EPB41L4B: variants seen among roughly 807,000 people sequenced by gnomAD.
EPB41L4B encodes the protein erythrocyte membrane protein band 4.1 like 4B.
In EPB41L4B, 30 loss-of-function variants were observed where a neutral mutation model predicts 112.5. The observed-to-expected ratio is 0.27, with a 90% CI of 0.20 to 0.36. The LOEUF (loss-of-function observed/expected upper bound fraction) is 0.36. Among genes scored for constraint, EPB41L4B ranks in the 10% least tolerant of loss-of-function variants. The pLI, the probability that EPB41L4B is intolerant of heterozygous loss-of-function variation, is 1.00. For synonymous variants in EPB41L4B, 408 were observed against 439.7 expected (o/e 0.93, Z 0.90); for missense variants, 1,024 against 1,133.3 (o/e 0.90, Z 1.38).
At chr9:109,255,873 C>T (rs1834963875) in intron 9 of EPB41L4B, 30 bp from the exon 10 acceptor site, 1 of 1,593,126 alleles carries the variant, frequency 6.3e-7, no homozygotes, top group African/African-American at 1.3e-5. Context: ...TTTAAAAGCA[C>T]AATCTGCAGT....
intron 21 of EPB41L4B, among the ~76,000 whole-genome samples, chr9:109,192,633 T>C (rs529959076): frequency 6.6e-6 from 1 of 152,142 alleles, no homozygotes; most frequent in East Asian, 1.9e-4. Context: ...ACTGGTCTTT[T>C]GGGGAAAAAA....
intron 2 of EPB41L4B, among the ~76,000 whole-genome samples, chr9:109,268,896 C>CA (rs55646924): frequency 0.37 from 39,091 of 106,528 alleles, 7,506 homozygotes; most frequent in Admixed American, 0.48. Context: ...AACTCCGTCT[C>CA]AAAAAAAAAA....
chr9:109,301,661 T>TA (rs772752246), intron 1 of EPB41L4B, among the ~76,000 whole-genome samples: 3 of 152,236 alleles, frequency 2.0e-5, no homozygotes, highest in Non-Finnish European at 4.4e-5. Context: ...GCATATGAAT[T>TA]AAAAAAGCCT....
At chr9:109,261,631 T>C (rs561141613) in intron 6 of EPB41L4B, among the ~76,000 whole-genome samples, 2 of 152,254 alleles carry the variant, frequency 1.3e-5, no homozygotes, top group Admixed American at 6.5e-5. Flanking sequence ...AAAAAAATTA[T>C]ACAAAAATTT....
At chr9:109,225,610 G>C (rs1010297272) in intron 15 of EPB41L4B, among the ~76,000 whole-genome samples, 1 of 152,188 alleles carries the variant, frequency 6.6e-6, no homozygotes, top group African/African-American at 2.4e-5. Context: ...ACAACACTTG[G>C]GGATTGTGGG....
intron 24 of EPB41L4B, among the ~76,000 whole-genome samples, chr9:109,181,122 C>T (rs1405610367): frequency 6.6e-6 from 1 of 152,128 alleles, no homozygotes; most frequent in Non-Finnish European, 1.5e-5. Flanking sequence ...AGAGATCCTC[C>T]CGCCTCAGCC....
At chr9:109,309,347 C>A (rs996690501) in intron 1 of EPB41L4B, among the ~76,000 whole-genome samples, 5 of 152,192 alleles carry the variant, frequency 3.3e-5, no homozygotes, top group Non-Finnish European at 5.9e-5. Flanking sequence ...TCAGCTCATT[C>A]ACAGTGAAAA....
intron 1 of EPB41L4B, among the ~76,000 whole-genome samples, chr9:109,286,065 C>T (rs1476856778): frequency 6.6e-6 from 1 of 151,860 alleles, no homozygotes; most frequent in Non-Finnish European, 1.5e-5. Flanking sequence ...ACCCACATCT[C>T]TGTCCCTCCA....
Position 109,192,376 on chromosome 9 carries a change from C to T in EPB41L4B, c.2224-21G>A, listed in dbSNP as rs1265738712. The T allele has an allele frequency of 3.8e-6, 6 of 1,577,490 alleles. No individual in the cohort carries two copies. In the African/African-American group the frequency reaches 6.9e-5, roughly 18 times the overall value. ...GGGCTCTAGGGAGACAGACAAACACCCCTGGTTAGAGACGGCACTGCATTG... is the reference window on the plus strand; with the variant it reads ...GGGCTCTAGGGAGACAGACAAACACTCCTGGTTAGAGACGGCACTGCATTG... On this transcript the variant is annotated intron_variant, in intron 21 of 25. Coordinates refer to ENST00000374566, the MANE Select transcript of EPB41L4B (RefSeq NM_019114.5).
chr9:109,267,493 G>A lies in EPB41L4B; in HGVS notation c.513C>T (p.Asn171=), dbSNP rs1443064593. Residue 171 remains asparagine (N), a synonymous_variant, in exon 4 of 26, where the codon AAC becomes AAT. Coordinates refer to ENST00000374566, the MANE Select transcript of EPB41L4B (RefSeq NM_019114.5). ...CCTACCTTGTAAACTCCTCACGAAG[G>A]TTGTTTGGTTCTGAAGAATAGTATT... The part of the protein sequence containing the change: ...RVKYYSSEPN[N]LREEFTRYLF... 1 of 1,613,500 alleles carries A rather than the reference G, an allele frequency of 6.2e-7. No homozygotes were observed. The highest frequency in any genetic ancestry group is 1.7e-5 in the Admixed American group (1 of 59,932).
chr9:109,233,677 T>A (rs1449048244), intron 15 of EPB41L4B, among the ~76,000 whole-genome samples: 1 of 152,018 alleles, frequency 6.6e-6, no homozygotes, highest in Admixed American at 6.6e-5. Flanking sequence ...GTTACAGGCA[T>A]GCGCCACCAG....
chr9:109,200,161 G>T (rs1050190867), intron 20 of EPB41L4B, 75 bp downstream of exon 20: 51 of 1,285,096 alleles, frequency 4.0e-5, no homozygotes, highest in Non-Finnish European at 5.3e-5. Context: ...AGTCAGAAGG[G>T]CTAAGAAGCA....
chr9:109,206,954 A>T (rs1410674991), intron 18 of EPB41L4B, among the ~76,000 whole-genome samples: 1 of 152,180 alleles, frequency 6.6e-6, no homozygotes, highest in Non-Finnish European at 1.5e-5. Context: ...TACAATTTGC[A>T]GTTTTCCAAC....
chr9:109,298,458 C>T (rs1038493836), intron 1 of EPB41L4B, among the ~76,000 whole-genome samples: 10 of 151,890 alleles, frequency 6.6e-5, no homozygotes, highest in African/African-American at 1.9e-4. Flanking sequence ...GGATTACAGG[C>T]GCCTGCCACC....
chr9:109,310,798 C>G (rs1837389294), intron 1 of EPB41L4B, among the ~76,000 whole-genome samples: 1 of 152,204 alleles, frequency 6.6e-6, no homozygotes, highest in Non-Finnish European at 1.5e-5. Context: ...CATCCACAAT[C>G]CATGAATGGA....
chr9:109,295,227 A>G (rs1013793617), intron 1 of EPB41L4B, among the ~76,000 whole-genome samples: 1 of 152,188 alleles, frequency 6.6e-6, no homozygotes, highest in Non-Finnish European at 1.5e-5. Context: ...GTCCTTTTAC[A>G]GCAAGAAACG....
rs1186508897 is a variant in EPB41L4B, at chr9:109,264,981, T to C, written c.577A>G (p.Lys193Glu). 1.2e-6 allele frequency: 2 copies of C among 1,605,618 alleles called. No individual in the cohort carries two copies. The highest frequency in any genetic ancestry group is 1.7e-6 in the Non-Finnish European group (2 of 1,177,768). Reference protein sequence around the residue: ...LQLRHDILSGKLKCPYETAVE... With the variant: ...LQLRHDILSGELKCPYETAVE... ...GAGTTAGAACAAAAACATACTTACTTTCCAGAAAGAATGTCATGCCTGAGT... is the reference window on the plus strand; with the variant it reads ...GAGTTAGAACAAAAACATACTTACTCTCCAGAAAGAATGTCATGCCTGAGT... Residue 193 changes from lysine (K) to glutamate (E), a missense_variant and splice_region_variant, in exon 5 of 26, where the codon AAA (lysine) becomes GAA (glutamate). By Grantham distance (56) the Lys-to-Glu change is moderately conservative. Coordinates refer to ENST00000374566, the MANE Select transcript of EPB41L4B (RefSeq NM_019114.5).
At chr9:109,203,289 G>A (rs1322365503) in intron 19 of EPB41L4B, among the ~76,000 whole-genome samples, 1 of 152,214 alleles carries the variant, frequency 6.6e-6, no homozygotes, top group East Asian at 1.9e-4. Context: ...TGTGAGCAGA[G>A]GCCAGGTCTT....
chr9:109,264,583 T>C (rs952107685), intron 5 of EPB41L4B, among the ~76,000 whole-genome samples: 7 of 152,238 alleles, frequency 4.6e-5, no homozygotes, highest in African/African-American at 1.4e-4. Context: ...AATCAGAACA[T>C]AACCTCTTTC....
Sources: allele counts gnomAD v4.1 joint callset (sites outside exome capture counted in the v4.1 genomes callset), GRCh38; gene constraint gnomAD v4.1.1; transcripts MANE v1.5; gene names NCBI Gene and HGNC (gene_info 2026-07-23, HGNC 2026-07-21).